The following DGAT2 variants were observed in gnomAD, a reference collection of about 807,000 sequenced individuals.
DGAT2 encodes diacylglycerol O-acyltransferase 2.
DGAT2 carries 33 observed loss-of-function variants against 48.4 expected under a neutral mutation model. The observed-to-expected ratio is 0.68, with a 90% CI of 0.52 to 0.91. DGAT2 has a LOEUF of 0.91. Ranked by LOEUF, DGAT2 falls within the 40% of genes least tolerant of loss-of-function variation. DGAT2 has a pLI of 0.00. For missense variants in DGAT2, 446 were observed against 493.7 expected, an observed-to-expected ratio of 0.90 and a Z score of 0.92; for synonymous variants, 191 against 194.1, an observed-to-expected ratio of 0.98 and a Z score of 0.13.
intron 6 of DGAT2, among the ~76,000 whole-genome samples, chr11:75,797,749 G>T (rs1040569352): frequency 6.6e-6 from 1 of 152,166 alleles, no homozygotes; most frequent in Non-Finnish European, 1.5e-5. Flanking sequence ...TGCAGGCTCA[G>T]CCCTGGGCCA....
chr11:75,780,505 G>A (rs1355412585), intron 1 of DGAT2, among the ~76,000 whole-genome samples: 1 of 152,174 alleles, frequency 6.6e-6, no homozygotes, highest in Non-Finnish European at 1.5e-5. Context: ...GAGAGGTGAG[G>A]AGACTTAGCA....
chr11:75,782,624 C>T (rs532160574), intron 1 of DGAT2, among the ~76,000 whole-genome samples: 1 of 152,228 alleles, frequency 6.6e-6, no homozygotes, highest in Non-Finnish European at 1.5e-5. Context: ...TATATACTCA[C>T]CCAGTCCTGT....
At chr11:75,784,422 CAG>C (rs1170610194) in intron 1 of DGAT2, 194 bp from the exon 2 acceptor site, 3 of 606,974 alleles carry the variant, frequency 4.9e-6, no homozygotes, top group Non-Finnish European at 5.5e-6. Context: ...AACCAGGGCA[CAG>C]GGGAGCATGC....
At chr11:75,782,123 A>T (rs1313929368) in intron 1 of DGAT2, among the ~76,000 whole-genome samples, 1 of 152,122 alleles carries the variant, frequency 6.6e-6, no homozygotes, top group Non-Finnish European at 1.5e-5. Flanking sequence ...ACGGGAAGCA[A>T]GTCAGCCACG....
Position 75,768,852 on chromosome 11 carries a change from G to A in DGAT2, c.-140G>A, listed in dbSNP as rs566531018. On this transcript the variant is annotated 5_prime_UTR_variant, in exon 1 of 8. It adds an upstream start codon to the 5' untranslated region. Transcript: ENST00000228027. ...CACTGGCCGCCGGCCGCAGCTCCAG[G>A]TGTCCTAGCCGCCCAGCCTCGACGC... The A allele has an allele frequency of 5.9e-3, 6,626 of 1,129,288 alleles. 33 individuals carry two copies. The highest frequency in any genetic ancestry group is 7.0e-3 in the Non-Finnish European group (6,104 of 869,254). 70.0% of individuals were successfully genotyped at this position (1,129,288 alleles called of 1,614,324 possible).
At chr11:75,789,792 CAG>C (rs149458617) in intron 2 of DGAT2, among the ~76,000 whole-genome samples, 2,105 of 152,308 alleles carry the variant, frequency 0.014, 29 homozygotes, top group African/African-American at 0.04. Context: ...TCTTGAGATG[CAG>C]AGGCACTGGG....
At chr11:75,773,354 C>A (rs1187188614) in intron 1 of DGAT2, among the ~76,000 whole-genome samples, 3 of 152,210 alleles carry the variant, frequency 2.0e-5, no homozygotes, top group Non-Finnish European at 4.4e-5. Context: ...TCTCAATGGT[C>A]ACCCTTACTG....
At chr11:75,770,341 C>T (rs913436689) in intron 1 of DGAT2, among the ~76,000 whole-genome samples, 1 of 152,120 alleles carries the variant, frequency 6.6e-6, no homozygotes, top group Non-Finnish European at 1.5e-5. Context: ...TTATCTGCCC[C>T]TCTTGGTGTG....
In DGAT2 at chr11:75,768,829, C is replaced by G; in HGVS notation, c.-163C>G. 3 of 937,934 alleles carry G rather than the reference C, an allele frequency of 3.2e-6. No individual in the cohort carries two copies. Among genetic ancestry groups the G allele is most frequent in the Non-Finnish European group, 4.3e-6 (3 of 694,842 alleles). The allele number at this position is 937,934 out of a possible 1,614,324, so 58.1% of individuals were successfully genotyped here. On this transcript the variant is annotated 5_prime_UTR_variant, in exon 1 of 8. Transcript: ENST00000228027. Reference sequence around the variant, plus strand: ...CTAGGCTGTTTCTCTCGCGCCACCACTGGCCGCCGGCCGCAGCTCCAGGTG... The same window carrying G: ...CTAGGCTGTTTCTCTCGCGCCACCAGTGGCCGCCGGCCGCAGCTCCAGGTG...
In DGAT2 at chr11:75,781,448, C is replaced by T. The variant is rs566623694; in HGVS notation, c.122-3170C>T. 2.3e-4 allele frequency among the ~76,000 whole-genome samples: 35 copies of T among 152,368 alleles called. No individual in the cohort carries two copies. In the South Asian group the frequency reaches 6.6e-3, roughly 29 times the overall value. On this transcript the variant is annotated intron_variant, in intron 1 of 7. Transcript: ENST00000228027. ...CAGGCCAGCTCCCAGGCCACGGCCT[C>T]CATGGTCAGCCAGGTTGGGATTGCC...
intron 4 of DGAT2, 97 bp downstream of exon 4, chr11:75,790,828 G>C (rs1018752060): frequency 1.8e-5 from 23 of 1,256,006 alleles, no homozygotes; most frequent in Non-Finnish European, 2.6e-5. Flanking sequence ...TTTAGACCAA[G>C]TTGGTCTCTT....
intron 1 of DGAT2, among the ~76,000 whole-genome samples, chr11:75,778,866 C>T (rs1413011411): frequency 6.6e-6 from 1 of 151,682 alleles, no homozygotes; most frequent in African/African-American, 2.4e-5. Flanking sequence ...TTTAATGTTC[C>T]CCAAAATCCT....
intron 4 of DGAT2, chr11:75,794,735 G>T (rs574803827): frequency 6.6e-6 from 1 of 152,238 alleles, no homozygotes; most frequent in African/African-American, 2.4e-5. Flanking sequence ...ATATAAAAAT[G>T]ATATCAACCC....
intron 2 of DGAT2, among the ~76,000 whole-genome samples, chr11:75,786,515 A>G (rs1944924313): frequency 6.6e-6 from 1 of 152,176 alleles, no homozygotes. Context: ...ACACCAGCTC[A>G]CGCAGCATGT....
At chr11:75,781,710 A>G (rs867516729) in intron 1 of DGAT2, among the ~76,000 whole-genome samples, 1 of 152,122 alleles carries the variant, frequency 6.6e-6, no homozygotes, top group Non-Finnish European at 1.5e-5. Context: ...TTGGGGCTGG[A>G]TAAGGCAGGG....
intron 1 of DGAT2, among the ~76,000 whole-genome samples, chr11:75,782,314 C>G (rs1329176461): frequency 3.3e-5 from 5 of 152,162 alleles, no homozygotes; most frequent in African/African-American, 1.2e-4. Context: ...CAGTCTGGAG[C>G]CCAAAGTCCT....
chr11:75,776,717 T>G (rs1264923180), intron 1 of DGAT2: 1 of 152,198 alleles, frequency 6.6e-6, no homozygotes, highest in Non-Finnish European at 1.5e-5. Context: ...CTAATAGCAG[T>G]GGGCATGACC....
intron 7 of DGAT2, among the ~76,000 whole-genome samples, chr11:75,800,150 C>T (rs1454804480): frequency 6.6e-6 from 1 of 152,268 alleles, no homozygotes; most frequent in Middle Eastern, 3.4e-3. Context: ...CACCTGGTGG[C>T]CTCGGGTGGG....
At chr11:75,795,094 G>A (rs1045433206) in intron 4 of DGAT2, 1 of 151,560 alleles carries the variant, frequency 6.6e-6, no homozygotes, top group Non-Finnish European at 1.5e-5. Context: ...GTGCAATCTC[G>A]GTTTACTGCA....
Sources: gnomAD v4.1 joint callset for allele counts (sites outside exome capture counted in the v4.1 genomes callset) on GRCh38, gnomAD v4.1.1 for gene constraint, MANE v1.5 for transcripts, NCBI Gene and HGNC (gene_info 2026-07-23, HGNC 2026-07-21) for gene names.